GSR: variants seen among roughly 807,000 people sequenced by gnomAD.
The protein encoded by GSR is glutathione-disulfide reductase, also known as glutathione reductase, mitochondrial.
GSR carries 48 observed loss-of-function variants against 56.5 expected under a neutral mutation model. The ratio of observed to expected loss-of-function variants is 0.85; its 90% CI spans 0.67 to 1.08. GSR has a LOEUF of 1.08. GSR is among the 50% of genes least tolerant of loss of function. The probability of loss-of-function intolerance (pLI) is 0.00; values close to 1 mark genes in which losing one functional copy is unlikely to be tolerated. For synonymous variants in GSR, 264 were observed against 270.8 expected (o/e 0.97, Z 0.25); for missense variants, 694 against 703.3 (o/e 0.99, Z 0.15).
intron 4 of GSR, among the ~76,000 whole-genome samples, chr8:30,703,977 C>A (rs1049338507): frequency 1.3e-5 from 2 of 152,072 alleles, no homozygotes; most frequent in Non-Finnish European, 2.9e-5. Flanking sequence ...GACATCTTTG[C>A]CCCCAAGAAT....
chr8:30,704,127 C>G (rs1803843410), intron 4 of GSR, among the ~76,000 whole-genome samples: 1 of 152,014 alleles, frequency 6.6e-6, no homozygotes, highest in Admixed American at 6.6e-5. Context: ...GAGTTCGAGA[C>G]CAGCCTGACC....
At chr8:30,698,592 T>C (rs559983613) in intron 6 of GSR, among the ~76,000 whole-genome samples, 1 of 152,208 alleles carries the variant, frequency 6.6e-6, no homozygotes, top group South Asian at 2.1e-4. Context: ...ATTTTCACCA[T>C]CCTATGGAAC....
Position 30,682,497 on chromosome 8 carries a change from T to C in GSR, c.1154-436A>G, listed in dbSNP as rs199729141. Among the ~76,000 whole-genome samples the C allele has an allele frequency of 1.7e-4, 26 of 152,372 alleles. No individual in the cohort carries two copies. In the East Asian group the frequency reaches 5.0e-3, roughly 29 times the overall value. On this transcript the variant is annotated intron_variant, in intron 10 of 12. Coordinates refer to ENST00000221130, the MANE Select transcript of GSR (RefSeq NM_000637.5). Reference sequence around the variant, plus strand: ...GTGTATGTAAAACAAATGAATTCCGTGTTTCGACTTGGGTCGCATCTGCAA... The same window carrying C: ...GTGTATGTAAAACAAATGAATTCCGCGTTTCGACTTGGGTCGCATCTGCAA...
At chr8:30,683,234 G>A (rs982902402) in intron 10 of GSR, among the ~76,000 whole-genome samples, 2 of 152,152 alleles carry the variant, frequency 1.3e-5, no homozygotes, top group Admixed American at 6.6e-5. Flanking sequence ...AGTGATGGGA[G>A]CCACCACACC....
intron 9 of GSR, among the ~76,000 whole-genome samples, chr8:30,688,573 T>C (rs1803241756): frequency 1.2e-5 from 1 of 86,312 alleles, no homozygotes; most frequent in Non-Finnish European, 2.2e-5. Flanking sequence ...AGCAAGACCC[T>C]GTCTCAAAAA....
At chr8:30,703,053 C>T in intron 5 of GSR, 40 bp downstream of exon 5, 2 of 1,605,166 alleles carry the variant, frequency 1.2e-6, no homozygotes, top group Non-Finnish European at 1.7e-6. Context: ...CAACAGTAAA[C>T]TCCTGACTGC....
chr8:30,708,731 C>T (rs557167680), intron 3 of GSR, among the ~76,000 whole-genome samples: 89 of 150,478 alleles, frequency 5.9e-4, no homozygotes, highest in Middle Eastern at 3.7e-3. Context: ...CTGAGGTGGG[C>T]GGATCACGAG....
chr8:30,706,772 G>A (rs1294028238), intron 4 of GSR, among the ~76,000 whole-genome samples: 1 of 152,150 alleles, frequency 6.6e-6, no homozygotes, highest in Non-Finnish European at 1.5e-5. Flanking sequence ...TTGATCAGAT[G>A]TCATTCATAA....
intron 11 of GSR, 44 bp from the exon 12 acceptor site, chr8:30,681,081 A>G (rs1802939905): frequency 6.6e-7 from 1 of 1,504,108 alleles, no homozygotes; most frequent in African/African-American, 1.4e-5. Flanking sequence ...AAACTAAACA[A>G]TTACACTGAA....
chr8:30,680,554 C>T (rs1802916924), intron 12 of GSR, among the ~76,000 whole-genome samples: 1 of 152,002 alleles, frequency 6.6e-6, no homozygotes, highest in African/African-American at 2.4e-5. Flanking sequence ...ACCATCATGC[C>T]TGGCTAATTT....
chr8:30,681,158 G>A (rs572475557), intron 11 of GSR, 121 bp from the exon 12 acceptor site: 34 of 808,776 alleles, frequency 4.2e-5, no homozygotes, highest in Non-Finnish European at 6.6e-5. Context: ...ATCAAACCAC[G>A]CCAAAATGAG....
chr8:30,684,281 C>A, intron 9 of GSR, 82 bp from the exon 10 acceptor site: 1 of 821,112 alleles, frequency 1.2e-6, no homozygotes, highest in Non-Finnish European at 2.2e-6. Context: ...CTCCCTTCCT[C>A]ATTTCACATG....
At chr8:30,684,242 A>C (rs1384433154) in intron 9 of GSR, 43 bp from the exon 10 acceptor site, 1 of 1,099,148 alleles carries the variant, frequency 9.1e-7, no homozygotes, top group Non-Finnish European at 1.4e-6. Context: ...TGGCCCACCT[A>C]CTAAAAAAGG....
At chr8:30,714,542 T>C (rs1441967081) in intron 1 of GSR, among the ~76,000 whole-genome samples, 2 of 152,012 alleles carry the variant, frequency 1.3e-5, no homozygotes. Context: ...TCTAAAAATA[T>C]AGAGACAGGG....
rs1802854180 is a variant in GSR at position 30,679,202 on chromosome 8, T to C, written c.*318A>G. The C allele has an allele frequency of 3.2e-6, 1 of 311,410 alleles. No homozygotes were observed. Among genetic ancestry groups the C allele is most frequent in the Admixed American group, 4.8e-5 (1 of 20,788 alleles). 19.3% of individuals were successfully genotyped at this position (311,410 alleles called of 1,614,324 possible). Reference sequence around the variant, plus strand: ...TTCTATTCATTCAAGTACATTAAGTTAATTGTACTTCACAAAGCTTTATAT... The same window carrying C: ...TTCTATTCATTCAAGTACATTAAGTCAATTGTACTTCACAAAGCTTTATAT... On this transcript the variant is annotated 3_prime_UTR_variant, in exon 13 of 13. Coordinates refer to ENST00000221130, the MANE Select transcript of GSR (RefSeq NM_000637.5).
At chr8:30,691,439 G>C (rs1206012874) in intron 8 of GSR, among the ~76,000 whole-genome samples, 1 of 152,090 alleles carries the variant, frequency 6.6e-6, no homozygotes, top group African/African-American at 2.4e-5. Context: ...CCAGCACCCT[G>C]GGAGGCTGAG....
intron 11 of GSR, 136 bp from the exon 12 acceptor site, chr8:30,681,173 A>G (rs1802943743): frequency 1.3e-6 from 1 of 752,994 alleles, no homozygotes; most frequent in Non-Finnish European, 2.3e-6. Context: ...AATGAGAAGT[A>G]TTCTACAAAA....
At chr8:30,682,128 T>A in intron 10 of GSR, 67 bp from the exon 11 acceptor site, 1 of 1,298,976 alleles carries the variant, frequency 7.7e-7, no homozygotes. Context: ...ATTGTTCCAC[T>A]AGCCATTTAT....
At chr8:30,717,042 A>G (rs186502674) in intron 1 of GSR, among the ~76,000 whole-genome samples, 141 of 152,216 alleles carry the variant, frequency 9.3e-4, no homozygotes, top group African/African-American at 3.1e-3. Flanking sequence ...GTTCAAGACC[A>G]GCCTGACCAA....
Sources: gnomAD v4.1 joint callset for allele counts (sites outside exome capture counted in the v4.1 genomes callset) on GRCh38, gnomAD v4.1.1 for gene constraint, MANE v1.5 for transcripts, NCBI Gene and HGNC (gene_info 2026-07-23, HGNC 2026-07-21) for gene names.